The following GCN1 variants were observed in gnomAD, a reference collection of about 807,000 sequenced individuals.
GCN1 encodes the protein stalled ribosome sensor GCN1.
Under a neutral mutation model 288.4 loss-of-function variants are expected in GCN1, and 90 were observed. That is an observed-to-expected ratio of 0.31 (90% CI 0.26 to 0.37). The LOEUF is 0.37. GCN1 is among the 10% of genes least tolerant of loss of function. The pLI, the probability that GCN1 is intolerant of heterozygous loss-of-function variation, is 1.00. For synonymous variants in GCN1, 1,386 were observed against 1,420.2 expected (o/e 0.98, Z 0.54); for missense variants, 2,586 against 3,419.9 (o/e 0.76, Z 6.08).
In GCN1 at chr12:120,162,002, T is replaced by C; in HGVS notation, c.2220A>G (p.Pro740=). Residue 740 remains proline (P), a synonymous_variant, in exon 21 of 58, where the codon CCA becomes CCG. Coordinates refer to ENST00000300648, the MANE Select transcript of GCN1 (RefSeq NM_006836.2). The part of the protein sequence containing the change: ...LSVLSPDRVL[P]QLISTITASV... ...AGGCAGTGATGGTGCTGATGAGCTG[T>C]GGGAGGACCCGGTCCGGCGACAGGA... 1 of 1,613,862 alleles carries C rather than the reference T, an allele frequency of 6.2e-7. No individual in the cohort carries two copies. The highest frequency in any genetic ancestry group is 8.5e-7 in the Non-Finnish European group (1 of 1,180,016).
At chr12:120,192,091 G>A (rs1288829081) in intron 1 of GCN1, among the ~76,000 whole-genome samples, 2 of 152,156 alleles carry the variant, frequency 1.3e-5, no homozygotes, top group Non-Finnish European at 2.9e-5. Flanking sequence ...TGCCCCTGGT[G>A]TTAATAATTA....
intron 15 of GCN1, among the ~76,000 whole-genome samples, chr12:120,169,934 T>C (rs1878265734): frequency 6.6e-6 from 1 of 152,210 alleles, no homozygotes; most frequent in African/African-American, 2.4e-5. Flanking sequence ...CTAGGTATCA[T>C]CTACAAGCCT....
chr12:120,161,792 A>G, intron 21 of GCN1, 88 bp downstream of exon 21: 3 of 1,304,290 alleles, frequency 2.3e-6, no homozygotes, highest in Admixed American at 1.8e-5. Context: ...GTTGCATTCA[A>G]CTCACAGGAG....
chr12:120,193,772 G>T (rs900184273), intron 1 of GCN1, among the ~76,000 whole-genome samples: 4 of 152,100 alleles, frequency 2.6e-5, no homozygotes, highest in African/African-American at 9.7e-5. Flanking sequence ...CTAGTATTCA[G>T]TACAACATAA....
In GCN1 at chr12:120,155,242, T is replaced by C. The variant is rs1385698931; in HGVS notation, c.3629A>G (p.Tyr1210Cys). ...ATCAGGGCTGCACAGGTCACTCACGTAGAGCTTTTCCTGGTAAATCTCCAT... is the reference window on the plus strand; with the variant it reads ...ATCAGGGCTGCACAGGTCACTCACGCAGAGCTTTTCCTGGTAAATCTCCAT... ...RLMEIYQEKL[Y>C]RPPPVLDALG... The change falls in exon 30 of 58, where the codon TAC becomes TGC. Residue 1210 changes from tyrosine (Y) to cysteine (C), a missense_variant and splice_region_variant. This residue lies in a region of GCN1 where 332 missense variants were observed against 403.0 expected (regional missense o/e 0.82). Coordinates refer to ENST00000300648, the MANE Select transcript of GCN1 (RefSeq NM_006836.2). The surrounding 1 kb of genome is among the most constrained non-coding windows in gnomAD (Gnocchi z 4.9). The C allele has an allele frequency of 6.2e-7, 1 of 1,614,138 alleles. No individual in the cohort carries two copies. The highest frequency in any genetic ancestry group is 2.2e-5 in the East Asian group (1 of 44,882).
intron 2 of GCN1, among the ~76,000 whole-genome samples, chr12:120,189,731 C>T (rs1278588144): frequency 6.6e-6 from 1 of 151,400 alleles, no homozygotes; most frequent in African/African-American, 2.4e-5. Flanking sequence ...GTAACCCCGG[C>T]ATTTTGAGAG....
chr12:120,138,250 T>G (rs1877076970), intron 47 of GCN1, 73 bp downstream of exon 47: 1 of 1,025,400 alleles, frequency 9.8e-7, no homozygotes, highest in South Asian at 1.3e-5. Flanking sequence ...CGTTCAGAAC[T>G]GGTCTTCACT....
rs180703162 is a variant in GCN1 at position 120,137,610 on chromosome 12, G to C, written c.6598C>G (p.Leu2200Val). The change falls in exon 49 of 58, where the codon CTC becomes GTC. Residue 2200 changes from leucine to valine, a missense_variant. Leu to Val is a conservative substitution (Grantham distance 32). This residue lies in a region of GCN1 where 437 missense variants were observed against 570.5 expected (regional missense o/e 0.77). Coordinates refer to ENST00000300648, the MANE Select transcript of GCN1 (RefSeq NM_006836.2). The surrounding 1 kb of genome is among the most constrained non-coding windows in gnomAD (Gnocchi z 5.2). ...LRSLVSGLIRLFNDSSPVVLE... is the reference protein window; with the variant it reads ...LRSLVSGLIRVFNDSSPVVLE... ...ACCACAGGGCTGGAGTCATTGAAGA[G>C]GCGGATCAGGCCCGAGACCAGGCTC... 2.0e-5 allele frequency: 32 copies of C among 1,614,180 alleles called. No individual in the cohort carries two copies. Among genetic ancestry groups the C allele is most frequent in the Non-Finnish European group, 2.7e-5 (32 of 1,180,008 alleles).
chr12:120,176,744 T>G (rs955806723), intron 9 of GCN1, among the ~76,000 whole-genome samples: 3 of 152,142 alleles, frequency 2.0e-5, no homozygotes, highest in Admixed American at 6.6e-5. Flanking sequence ...TGTGCATTCT[T>G]CTGACAAGAC....
At position 120,151,287 on chromosome 12, in the gene GCN1, G is replaced by A. The variant is rs752389783; in HGVS notation, c.4167C>T (p.Asp1389=). Residue 1389 remains aspartate (D), a synonymous_variant, in exon 34 of 58, where the codon GAC becomes GAT. Transcript: ENST00000300648. ...QRLMQQLLES[D]KYAERKGAAY... is the part of the protein sequence containing the mutation. ...CGGCCCCTTTGCGCTCTGCGTACTT[G>A]TCTGACTCCAGCAGCTGCTGCATAA... 1.9e-6 allele frequency: 3 copies of A among 1,614,182 alleles called. No individual in the cohort carries two copies. The highest frequency in any genetic ancestry group is 4.5e-5 in the East Asian group (2 of 44,884).
Position 120,137,403 on chromosome 12 carries a change from G to C in GCN1, c.6664-84C>G. ...GAATATATGGGGAAAGCGTGGGCGG[G>C]AGTATAAACAAGACTTGCCACGAGT... On this transcript the variant is annotated intron_variant, in intron 49 of 57. Coordinates refer to ENST00000300648, the MANE Select transcript of GCN1 (RefSeq NM_006836.2). This position sits in a 1 kb window ranked among gnomAD's most constrained non-coding sequence, Gnocchi z 5.2. 1.4e-6 allele frequency: 2 copies of C among 1,411,026 alleles called. No individual in the cohort carries two copies. The highest frequency in any genetic ancestry group is 1.7e-5 in the Admixed American group (1 of 59,122). The allele number at this position is 1,411,026 out of a possible 1,614,324, so 87.4% of individuals were successfully genotyped here. A position where few individuals can be genotyped will look rare whatever the true frequency, so the allele number is the denominator to read the frequency against.
rs1328404446 is a variant in GCN1, at chr12:120,131,167, A to G, written c.7563+18T>C. The G allele has an allele frequency of 6.2e-7, 1 of 1,611,412 alleles. No homozygotes were observed. Among genetic ancestry groups the G allele is most frequent in the Non-Finnish European group, 8.5e-7 (1 of 1,177,602 alleles). ...GGGATGTGGCCTATGCCTATGGGAT[A>G]TGGCCCGAATGCCTTACCCTGTCCG... is the stretch of plus-strand genomic sequence containing the variant. On this transcript the variant is annotated intron_variant, in intron 55 of 57. Transcript: ENST00000300648.
chr12:120,155,722 G>A lies in GCN1; in HGVS notation c.3313-3C>T. ...ACCATGTGGAGTTCCATCAGCCCCTGGAAGGGGTGGGATTGGACCGTGTGA... is the reference window on the plus strand; with the variant it reads ...ACCATGTGGAGTTCCATCAGCCCCTAGAAGGGGTGGGATTGGACCGTGTGA... On this transcript the variant is annotated splice_region_variant and splice_polypyrimidine_tract_variant and intron_variant, in intron 28 of 57. Coordinates refer to ENST00000300648, the MANE Select transcript of GCN1 (RefSeq NM_006836.2). This position sits in a 1 kb window ranked among gnomAD's most constrained non-coding sequence, Gnocchi z 4.9. The A allele has an allele frequency of 6.2e-7, 1 of 1,613,914 alleles. No individual in the cohort carries two copies. Among genetic ancestry groups the A allele is most frequent in the Middle Eastern group, 1.7e-4 (1 of 6,024 alleles).
chr12:120,175,042 G>A (rs900261251), intron 12 of GCN1, 120 bp downstream of exon 12: 26 of 774,134 alleles, frequency 3.4e-5, no homozygotes, highest in Admixed American at 5.1e-5. Context: ...CATGAGGATC[G>A]CTTGAACCTG....
chr12:120,135,725 G>A (rs940973806), intron 51 of GCN1, among the ~76,000 whole-genome samples: 15 of 152,158 alleles, frequency 9.9e-5, no homozygotes, highest in African/African-American at 3.1e-4. Context: ...ATGAAGGTCT[G>A]GAAATACTGG....
intron 9 of GCN1, among the ~76,000 whole-genome samples, chr12:120,176,806 G>A (rs1407351794): frequency 2.6e-5 from 4 of 151,794 alleles, no homozygotes; most frequent in Admixed American, 6.6e-5. Flanking sequence ...TGGCTCTGTC[G>A]CCCAGGCTGG....
At chr12:120,130,810 G>A in intron 55 of GCN1, 57 bp from the exon 56 acceptor site, 2 of 1,076,314 alleles carry the variant, frequency 1.9e-6, no homozygotes, top group South Asian at 1.3e-5. Context: ...CCAGAGCCAG[G>A]AAAACCCCAG....
rs1877777226 is a variant in GCN1, at chr12:120,157,180, G to A, written c.3088-188C>T. On this transcript the variant is annotated intron_variant, in intron 26 of 57. Transcript: ENST00000300648. ...TAACCCCAGTCAACCATGATCCTCA[G>A]GAACTAAAAACTAAATTCTGAAACT... The A allele has an allele frequency of 8.1e-6, 4 of 494,140 alleles. No homozygotes were observed. In the South Asian group the frequency reaches 1.3e-4, roughly 16 times the overall value. 30.6% of individuals were successfully genotyped at this position (494,140 alleles called of 1,614,324 possible).
intron 38 of GCN1, among the ~76,000 whole-genome samples, chr12:120,146,070 C>T (rs184702865): frequency 6.6e-6 from 1 of 152,068 alleles, no homozygotes; most frequent in Non-Finnish European, 1.5e-5. Context: ...AGTTCGAGAC[C>T]AGCCTGGCCA....
Sources: gnomAD v4.1 joint callset for allele counts (sites outside exome capture counted in the v4.1 genomes callset) on GRCh38, gnomAD v4.1.1 for gene constraint, gnomAD v4.1.1 regional missense constraint, Gnocchi (gnomAD v3.1) non-coding constraint, MANE v1.5 for transcripts, NCBI Gene and HGNC (gene_info 2026-07-23, HGNC 2026-07-21) for gene names.